AAK1: variants seen among roughly 807,000 people sequenced by gnomAD.
AAK1 encodes AP2-associated protein kinase 1.
In AAK1, 37 loss-of-function variants were observed where a neutral mutation model predicts 116.0. That is an observed-to-expected ratio of 0.32 (90% CI 0.25 to 0.42). The LOEUF is 0.42. AAK1 is among the 10% of genes least tolerant of loss of function. The pLI is 1.00. For synonymous variants in AAK1, 458 were observed against 439.9 expected, an observed-to-expected ratio of 1.04 and a Z score of -0.51; for missense variants, 919 against 1,170.6, an observed-to-expected ratio of 0.79 and a Z score of 3.14.
intron 2 of AAK1, among the ~76,000 whole-genome samples, chr2:69,600,668 A>T (rs1673536464): frequency 6.6e-6 from 1 of 152,220 alleles, no homozygotes; most frequent in African/African-American, 2.4e-5. Context: ...TGAAATGACA[A>T]CAAAGGATTT....
chr2:69,508,953 G>A (rs1676289733), intron 14 of AAK1, among the ~76,000 whole-genome samples: 1 of 152,234 alleles, frequency 6.6e-6, no homozygotes, highest in Non-Finnish European at 1.5e-5. Context: ...TGGAACAGGT[G>A]AGAGAATGAG....
intron 2 of AAK1, among the ~76,000 whole-genome samples, chr2:69,639,831 G>A (rs993623232): frequency 6.6e-6 from 1 of 151,974 alleles, no homozygotes; most frequent in Admixed American, 6.6e-5. Context: ...GTCAGCACTC[G>A]GGGACTCACA....
At position 69,475,860 on chromosome 2, in the gene AAK1, G is replaced by T; in HGVS notation, c.*9C>A. On this transcript the variant is annotated 3_prime_UTR_variant, in exon 22 of 22. Transcript: ENST00000409085. The stretch of plus-strand genomic sequence containing the variant: ...AGGTTACAGAACTGCATCTGCTACT[G>T]GGTCACGGCTACAGGTCTATGAGCT... The T allele has an allele frequency of 6.2e-7, 1 of 1,609,704 alleles. No homozygotes were observed. The highest frequency in any genetic ancestry group is 8.5e-7 in the Non-Finnish European group (1 of 1,177,978).
chr2:69,524,952 T>C, intron 10 of AAK1, 81 bp downstream of exon 10: 2 of 1,360,930 alleles, frequency 1.5e-6, no homozygotes, highest in Non-Finnish European at 2.1e-6. Flanking sequence ...ACAGCATACA[T>C]AAGAATCAAG....
At position 69,470,587 on chromosome 2, in the gene AAK1, C is replaced by T; in HGVS notation, c.*5282G>A. ...GGGGATAAAATTATTCTTGCCAACACAAAATGTTTAATTAAGTTGGCCTGG... is the reference window on the plus strand; with the variant it reads ...GGGGATAAAATTATTCTTGCCAACATAAAATGTTTAATTAAGTTGGCCTGG... On this transcript the variant is annotated 3_prime_UTR_variant, in exon 22 of 22. Transcript: ENST00000409085. 1 of 985,398 alleles carries T rather than the reference C, an allele frequency of 1.0e-6. No individual in the cohort carries two copies. Among genetic ancestry groups the T allele is most frequent in the Non-Finnish European group, 1.2e-6 (1 of 829,930 alleles). The allele number at this position is 985,398 out of a possible 1,614,324, so 61.0% of individuals were successfully genotyped here.
intron 2 of AAK1, among the ~76,000 whole-genome samples, chr2:69,624,242 G>A (rs1224992246): frequency 6.6e-6 from 1 of 152,166 alleles, no homozygotes. Flanking sequence ...TAATTCTAAA[G>A]AAGTAATAGA....
intron 3 of AAK1, among the ~76,000 whole-genome samples, chr2:69,553,437 GTTTTTTT>G (rs70954350): frequency 5.0e-5 from 4 of 79,598 alleles, no homozygotes; most frequent in African/African-American, 1.1e-4. Flanking sequence ...ATTGAAAGTT[GTTTTTTT>G]TTTTTTTTTT....
intron 2 of AAK1, among the ~76,000 whole-genome samples, chr2:69,605,476 G>A (rs144576539): frequency 8.2e-4 from 125 of 152,134 alleles, no homozygotes; most frequent in African/African-American, 2.6e-3. Context: ...AGGAAGTTGC[G>A]AAAATAGTGC....
intron 10 of AAK1, among the ~76,000 whole-genome samples, chr2:69,524,148 T>C (rs1669912888): frequency 6.6e-6 from 1 of 152,188 alleles, no homozygotes; most frequent in African/African-American, 2.4e-5. Flanking sequence ...TTTCCTAATG[T>C]GGTTGGAGCC....
chr2:69,481,079 T>C, intron 18 of AAK1, 118 bp from the exon 19 acceptor site: 1 of 895,196 alleles, frequency 1.1e-6, no homozygotes, highest in Non-Finnish European at 1.6e-6. Flanking sequence ...TGAGATGGTG[T>C]CTTGCTCCTG....
chr2:69,601,626 A>G (rs1300177817), intron 2 of AAK1, among the ~76,000 whole-genome samples: 1 of 152,196 alleles, frequency 6.6e-6, no homozygotes. Context: ...CTAGATTTCA[A>G]TTAACCTTTG....
At chr2:69,522,001 C>A (rs1289468494) in intron 10 of AAK1, among the ~76,000 whole-genome samples, 1 of 152,212 alleles carries the variant, frequency 6.6e-6, no homozygotes, top group African/African-American at 2.4e-5. Context: ...CTATACGCAG[C>A]TGTCACTTTG....
Position 69,469,474 on chromosome 2 carries a change from T to G in AAK1, c.*6395A>C. 1.0e-6 allele frequency: 1 copy of G among 985,462 alleles called. No individual in the cohort carries two copies. The highest frequency in any genetic ancestry group is 4.7e-5 in the South Asian group (1 of 21,286). 61.0% of individuals were successfully genotyped at this position (985,462 alleles called of 1,614,324 possible). On this transcript the variant is annotated 3_prime_UTR_variant, in exon 22 of 22. Transcript: ENST00000409085. ...GTTCCTTTATATGAAGGTAGCATTG[T>G]GTCAACAAGAAAACGTGTTTGAAGC... is the stretch of plus-strand genomic sequence containing the variant.
intron 2 of AAK1, chr2:69,594,931 T>G: frequency 3.7e-6 from 4 of 1,074,282 alleles, no homozygotes; most frequent in Non-Finnish European, 5.7e-6. Flanking sequence ...GCCACTCTGC[T>G]TCCTGTCATA....
chr2:69,562,615 G>C (rs564376096), intron 2 of AAK1, among the ~76,000 whole-genome samples: 15 of 152,272 alleles, frequency 9.9e-5, no homozygotes, highest in Non-Finnish European at 1.5e-4. Context: ...AGACAGGCCA[G>C]ACACGGTGGC....
intron 14 of AAK1, 50 bp downstream of exon 14, chr2:69,509,181 G>A (rs766665340): frequency 1.3e-6 from 2 of 1,524,178 alleles, no homozygotes; most frequent in South Asian, 2.3e-5. Flanking sequence ...ACAGCCGCAG[G>A]CAGACTTTGC....
At chr2:69,562,521 G>A (rs1248411567) in intron 2 of AAK1, among the ~76,000 whole-genome samples, 2 of 152,176 alleles carry the variant, frequency 1.3e-5, no homozygotes, top group Non-Finnish European at 2.9e-5. Context: ...GCAATACACA[G>A]AGGAGGGTAT....
intron 2 of AAK1, among the ~76,000 whole-genome samples, chr2:69,641,661 C>G (rs930218133): frequency 2.6e-5 from 4 of 152,188 alleles, no homozygotes; most frequent in African/African-American, 9.7e-5. Flanking sequence ...ACAGCTTCTT[C>G]CTCTTCCAAA....
At chr2:69,509,177 G>T (rs556708889) in intron 14 of AAK1, 54 bp downstream of exon 14, 2 of 1,490,896 alleles carry the variant, frequency 1.3e-6, no homozygotes, top group South Asian at 1.1e-5. Context: ...ACTAACAGCC[G>T]CAGGCAGACT....
Sources: allele counts gnomAD v4.1 joint callset (sites outside exome capture counted in the v4.1 genomes callset), GRCh38; gene constraint gnomAD v4.1.1; transcripts MANE v1.5; gene names NCBI Gene and HGNC (gene_info 2026-07-23, HGNC 2026-07-21).